L3MBTL3: variants seen among roughly 807,000 people sequenced by gnomAD.
The protein encoded by L3MBTL3 is L3MBTL histone methyl-lysine binding protein 3, also known as lethal(3)malignant brain tumor-like protein 3.
Under a neutral mutation model 102.3 loss-of-function variants are expected in L3MBTL3, and 27 were observed. The observed-to-expected ratio is 0.26, with a 90% CI of 0.19 to 0.36. The LOEUF (loss-of-function observed/expected upper bound fraction) is 0.36, where lower values mean the gene tolerates loss of function less well. L3MBTL3 is among the 10% of genes least tolerant of loss of function. L3MBTL3 has a pLI of 1.00. For synonymous variants in L3MBTL3, 340 were observed against 320.9 expected (o/e 1.06, Z -0.64); for missense variants, 798 against 955.3 (o/e 0.84, Z 2.17).
chr6:130,044,074 A>G (rs1455039464), intron 3 of L3MBTL3, among the ~76,000 whole-genome samples: 3 of 152,224 alleles, frequency 2.0e-5, no homozygotes, highest in African/African-American at 7.2e-5. Flanking sequence ...ATTCATCTGG[A>G]TAAGATATGA....
At chr6:130,126,138 T>A (rs545463169) in intron 20 of L3MBTL3, among the ~76,000 whole-genome samples, 1 of 146,842 alleles carries the variant, frequency 6.8e-6, no homozygotes, top group African/African-American at 2.5e-5. Flanking sequence ...TGCTTCTGTC[T>A]TCTCTACCTG....
At chr6:130,084,486 T>C (rs1350259529) in intron 15 of L3MBTL3, among the ~76,000 whole-genome samples, 1 of 152,118 alleles carries the variant, frequency 6.6e-6, no homozygotes, top group Non-Finnish European at 1.5e-5. Context: ...CCAAATTTGC[T>C]CTTAAAAAAA....
intron 3 of L3MBTL3, among the ~76,000 whole-genome samples, chr6:130,048,922 A>G (rs1292514198): frequency 2.7e-5 from 4 of 148,612 alleles, no homozygotes; most frequent in Non-Finnish European, 6.0e-5. Context: ...CGACGTAAGA[A>G]AAAATAAGTC....
intron 18 of L3MBTL3, among the ~76,000 whole-genome samples, chr6:130,104,217 A>G (rs1005658162): frequency 3.9e-5 from 6 of 152,206 alleles, no homozygotes; most frequent in African/African-American, 1.4e-4. Flanking sequence ...CTTAAAGTCT[A>G]GTGTAAAAAC....
chr6:130,046,336 T>C (rs1189701768), intron 3 of L3MBTL3, among the ~76,000 whole-genome samples: 3 of 152,192 alleles, frequency 2.0e-5, no homozygotes, highest in African/African-American at 7.2e-5. Context: ...TTGAAAACAA[T>C]TTAGTTATCA....
chr6:130,028,128 G>A (rs1039618635), intron 2 of L3MBTL3, among the ~76,000 whole-genome samples: 1 of 150,776 alleles, frequency 6.6e-6, no homozygotes, highest in African/African-American at 2.4e-5. Flanking sequence ...TTCTTTAGAG[G>A]AAGTAAGTAG....
At chr6:130,127,311 G>A (rs1786673943) in intron 20 of L3MBTL3, among the ~76,000 whole-genome samples, 1 of 152,142 alleles carries the variant, frequency 6.6e-6, no homozygotes, top group South Asian at 2.1e-4. Flanking sequence ...GGAAAGAAGG[G>A]AACAGAGAGA....
At chr6:130,082,723 G>C (rs545330513) in intron 14 of L3MBTL3, among the ~76,000 whole-genome samples, 2 of 152,150 alleles carry the variant, frequency 1.3e-5, no homozygotes, top group Non-Finnish European at 2.9e-5. Flanking sequence ...TGAACACTAA[G>C]TGTGCTTATT....
chr6:130,113,272 T>C (rs1785462569), intron 19 of L3MBTL3, among the ~76,000 whole-genome samples: 1 of 152,200 alleles, frequency 6.6e-6, no homozygotes, highest in African/African-American at 2.4e-5. Context: ...CTTCATTTTT[T>C]AACCAGCCCT....
chr6:130,121,078 AT>A, intron 20 of L3MBTL3, 120 bp downstream of exon 20: 1 of 677,596 alleles, frequency 1.5e-6, no homozygotes, highest in Non-Finnish European at 2.4e-6. Flanking sequence ...TTTTATTTTT[AT>A]TGTTTTATTT....
At position 130,133,636 on chromosome 6, in the gene L3MBTL3, C is replaced by A. The variant is rs1390496200; in HGVS notation, c.2136+15C>A. The A allele has an allele frequency of 6.2e-7, 1 of 1,611,396 alleles. No homozygotes were observed. On this transcript the variant is annotated intron_variant, in intron 21 of 22. Transcript: ENST00000361794. This position sits in a 1 kb window ranked among gnomAD's most constrained non-coding sequence, Gnocchi z 4.9. ...GCACAGACGAGGTATATTTTATTTTCTTTGCTGCCCGACACCAGATACAGG... is the reference window on the plus strand; with the variant it reads ...GCACAGACGAGGTATATTTTATTTTATTTGCTGCCCGACACCAGATACAGG...
At chr6:130,090,388 C>T (rs1307720178) in intron 16 of L3MBTL3, among the ~76,000 whole-genome samples, 1 of 152,112 alleles carries the variant, frequency 6.6e-6, no homozygotes, top group Admixed American at 6.6e-5. Context: ...TACCAAATAG[C>T]TTTCCAGGAA....
At chr6:130,120,048 G>A (rs895745543) in intron 19 of L3MBTL3, among the ~76,000 whole-genome samples, 3 of 152,128 alleles carry the variant, frequency 2.0e-5, no homozygotes, top group Admixed American at 1.3e-4. Flanking sequence ...AACGGTAACA[G>A]CATGTATGAA....
intron 18 of L3MBTL3, among the ~76,000 whole-genome samples, chr6:130,100,664 T>C (rs1784626966): frequency 6.6e-6 from 1 of 151,484 alleles, no homozygotes. Flanking sequence ...AAAAAAAAGA[T>C]ATTTAAATGG....
intron 2 of L3MBTL3, among the ~76,000 whole-genome samples, chr6:130,026,223 A>T (rs1667221469): frequency 6.6e-6 from 1 of 152,122 alleles, no homozygotes; most frequent in Admixed American, 6.5e-5. Context: ...AAATACTTTG[A>T]GTGCTTTCTG....
chr6:130,066,378 A>G lies in L3MBTL3; in HGVS notation c.890A>G (p.His297Arg). The G allele has an allele frequency of 6.2e-7, 1 of 1,606,836 alleles. No homozygotes were observed. The highest frequency in any genetic ancestry group is 1.1e-5 in the South Asian group (1 of 89,994). ...GTTTGTGGATACCGGATAAAGCTTC[A>G]CTTTGATGGGTATTCTGATTGCTAT... ...AEVCGYRIKL[H>R]FDGYSDCYDF... Residue 297 changes from histidine (H) to arginine (R), a missense_variant, in exon 11 of 23, where the codon CAC becomes CGC. This residue lies in a region of L3MBTL3 where 434 missense variants were observed against 506.6 expected (regional missense o/e 0.86). Coordinates refer to ENST00000361794, the MANE Select transcript of L3MBTL3 (RefSeq NM_032438.4).
chr6:130,069,662 G>A (rs1474990241), intron 12 of L3MBTL3, among the ~76,000 whole-genome samples: 1 of 152,212 alleles, frequency 6.6e-6, no homozygotes, highest in Admixed American at 6.5e-5. Flanking sequence ...AAACTTAGCA[G>A]CCTGCTGTCT....
intron 14 of L3MBTL3, among the ~76,000 whole-genome samples, chr6:130,082,010 A>G (rs1584393714): frequency 6.6e-6 from 1 of 152,130 alleles, no homozygotes. Context: ...TTTCCTCATG[A>G]TCATACGAAG....
At chr6:130,112,411 A>T (rs907551495) in intron 19 of L3MBTL3, among the ~76,000 whole-genome samples, 6 of 152,204 alleles carry the variant, frequency 3.9e-5, no homozygotes. Flanking sequence ...GAACTGTGAG[A>T]TCACCATTCC....
Sources: gnomAD v4.1 joint callset for allele counts (sites outside exome capture counted in the v4.1 genomes callset) on GRCh38, gnomAD v4.1.1 for gene constraint, gnomAD v4.1.1 regional missense constraint, Gnocchi (gnomAD v3.1) non-coding constraint, MANE v1.5 for transcripts, NCBI Gene and HGNC (gene_info 2026-07-23, HGNC 2026-07-21) for gene names.